Variants in CDC42BPB observed in about 807,000 individuals in gnomAD.
CDC42BPB encodes the protein serine/threonine-protein kinase MRCK beta.
Under a neutral mutation model 214.9 loss-of-function variants are expected in CDC42BPB, and 37 were observed. The ratio of observed to expected loss-of-function variants is 0.17; its 90% confidence interval spans 0.13 to 0.23. CDC42BPB has a LOEUF of 0.23. Among genes scored for constraint, CDC42BPB ranks in the 10% least tolerant of loss-of-function variants. The pLI is 1.00. For synonymous variants in CDC42BPB, 931 were observed against 884.0 expected, an observed-to-expected ratio of 1.05 and a Z score of -0.94; for missense variants, 1,694 against 2,227.0, an observed-to-expected ratio of 0.76 and a Z score of 4.82.
intron 1 of CDC42BPB, among the ~76,000 whole-genome samples, chr14:103,054,539 A>C (rs1482185867): frequency 6.6e-6 from 1 of 152,226 alleles, no homozygotes; most frequent in Non-Finnish European, 1.5e-5. Flanking sequence ...TTCCAATCGA[A>C]ACAACCAGGC....
At chr14:103,032,423 G>A (rs994691758) in intron 1 of CDC42BPB, among the ~76,000 whole-genome samples, 10 of 150,850 alleles carry the variant, frequency 6.6e-5, no homozygotes, top group African/African-American at 2.2e-4. Context: ...TGGGCCAATA[G>A]TATAGGAATG....
chr14:102,947,935 C>T (rs1892260663), intron 26 of CDC42BPB, 133 bp from the exon 27 acceptor site: 1 of 1,516,786 alleles, frequency 6.6e-7, no homozygotes, highest in Non-Finnish European at 8.8e-7. Flanking sequence ...GGTCCCTCGC[C>T]TCCCCAGATG....
chr14:103,041,420 A>G, intron 1 of CDC42BPB: 2 of 746,184 alleles, frequency 2.7e-6, no homozygotes, highest in Non-Finnish European at 4.2e-6. Flanking sequence ...AAAAAACAAC[A>G]AAAAATATTT....
chr14:103,033,956 C>T (rs975738108), intron 1 of CDC42BPB, among the ~76,000 whole-genome samples: 1 of 152,164 alleles, frequency 6.6e-6, no homozygotes, highest in African/African-American at 2.4e-5. Flanking sequence ...GGTCATAAAG[C>T]AGTTTTATGA....
At chr14:103,052,288 T>C (rs934064869) in intron 1 of CDC42BPB, among the ~76,000 whole-genome samples, 2 of 152,232 alleles carry the variant, frequency 1.3e-5, no homozygotes, top group African/African-American at 2.4e-5. Flanking sequence ...ATCCTAACAT[T>C]TCCCTATAAT....
rs1886403164 is a variant in CDC42BPB, at chr14:103,015,467, A to G, written c.176-3279T>C. On this transcript the variant is annotated intron_variant, in intron 1 of 36. Transcript: ENST00000361246. ...TCGCCACTGCACTCCAGCCTGGGCA[A>G]CAAGAGCAAAACTCCATTTCAAAAA... Among the ~76,000 whole-genome samples, 3 of 152,258 alleles carry G rather than the reference A, an allele frequency of 2.0e-5. No homozygotes were observed. The South Asian group carries it at 6.2e-4, about 32-fold the overall frequency.
At chr14:102,937,373 G>A (rs755981793) in intron 36 of CDC42BPB, among the ~76,000 whole-genome samples, 4 of 152,254 alleles carry the variant, frequency 2.6e-5, no homozygotes, top group African/African-American at 7.2e-5. Context: ...AGGAAGAGAC[G>A]CTGACCTTGG....
In CDC42BPB at chr14:102,938,398, G is replaced by T. The variant is rs781501373; in HGVS notation, c.4841C>A (p.Pro1614His). ...LMDLPLSAVP[P>H]SQEERPGPAP... is the part of the protein sequence containing the mutation. ...GGGGCCCGGCCTTTCCTCCTGGGAG[G>T]GGGGCACAGCACTCTGGGCAGAAAT... The change falls in exon 35 of 37, where the codon CCC becomes CAC. Residue 1614 changes from proline (P) to histidine (H), a missense_variant. Physicochemically the swap from Pro to His is moderately conservative, Grantham distance 77. This residue lies in a region of CDC42BPB where 146 missense variants were observed against 134.1 expected (regional missense o/e 1.09). Coordinates refer to ENST00000361246, the MANE Select transcript of CDC42BPB (RefSeq NM_006035.4). 44 of 1,550,320 alleles carry T rather than the reference G, an allele frequency of 2.8e-5. No homozygotes were observed. The highest frequency in any genetic ancestry group is 3.6e-5 in the Non-Finnish European group (42 of 1,155,022).
chr14:102,974,851 C>A (rs1178146135), intron 11 of CDC42BPB, among the ~76,000 whole-genome samples: 1 of 152,164 alleles, frequency 6.6e-6, no homozygotes, highest in Non-Finnish European at 1.5e-5. Context: ...GAGGCTGAGA[C>A]AGGAGAATGG....
At chr14:102,973,922 G>A in intron 12 of CDC42BPB, 94 bp downstream of exon 12, 3 of 1,425,834 alleles carry the variant, frequency 2.1e-6, no homozygotes, top group African/African-American at 1.4e-5. Flanking sequence ...ATGGGCAGGA[G>A]TCCCAAGAGG....
chr14:102,947,688 G>A (rs755456649), intron 27 of CDC42BPB, 33 bp downstream of exon 27: 1 of 1,532,156 alleles, frequency 6.5e-7, no homozygotes, highest in Admixed American at 1.7e-5. Flanking sequence ...TTAACCATGT[G>A]CTTTGTTAAA....
intron 5 of CDC42BPB, among the ~76,000 whole-genome samples, chr14:102,996,811 T>TAAAAA (rs1268718463): frequency 2.7e-5 from 1 of 36,846 alleles, no homozygotes; most frequent in African/African-American, 8.7e-5. Context: ...AGACTCCATC[T>TAAAAA]CAAAAAAAAA....
At chr14:103,031,985 TTATTA>T (rs1224027902) in intron 1 of CDC42BPB, among the ~76,000 whole-genome samples, 9 of 144,562 alleles carry the variant, frequency 6.2e-5, no homozygotes, top group African/African-American at 2.3e-4. Flanking sequence ...ATTATTATTA[TTATTA>T]TTTTTTTTTT....
intron 21 of CDC42BPB, among the ~76,000 whole-genome samples, chr14:102,955,465 A>C (rs902440921): frequency 1.3e-5 from 2 of 152,234 alleles, no homozygotes; most frequent in Non-Finnish European, 2.9e-5. Flanking sequence ...AATGCTTCTT[A>C]ACCTCATTTC....
chr14:102,945,874 G>A, intron 28 of CDC42BPB, 150 bp from the exon 29 acceptor site: 1 of 673,206 alleles, frequency 1.5e-6, no homozygotes, highest in South Asian at 1.7e-5. Context: ...TTCAGTATCG[G>A]GGGTGACTTT....
intron 1 of CDC42BPB, 33 bp downstream of exon 1, chr14:103,056,966 G>A (rs1889018635): frequency 2.3e-5 from 31 of 1,332,122 alleles, no homozygotes; most frequent in Middle Eastern, 4.8e-4. Context: ...GGGTCGCAGA[G>A]CCGCAGGTCC....
rs906260367 is a variant in CDC42BPB at position 103,004,632 on chromosome 14, G to T, written c.352-609C>A. On this transcript the variant is annotated intron_variant, in intron 3 of 36. Coordinates refer to ENST00000361246, the MANE Select transcript of CDC42BPB (RefSeq NM_006035.4). The surrounding 1 kb of genome is among the most constrained non-coding windows in gnomAD (Gnocchi z 5.3). ...CGTTTAAAAGTCACCAGGCCTGGCCGAGCACGGTGGCTCACACCTGAGGTC... is the reference window on the plus strand; with the variant it reads ...CGTTTAAAAGTCACCAGGCCTGGCCTAGCACGGTGGCTCACACCTGAGGTC... Among the ~76,000 whole-genome samples, 1 of 152,132 alleles carries T rather than the reference G, an allele frequency of 6.6e-6. No homozygotes were observed. Among genetic ancestry groups the T allele is most frequent in the African/African-American group, 2.4e-5 (1 of 41,414 alleles).
chr14:102,940,751 G>A (rs1332657337), intron 30 of CDC42BPB: 6 of 241,072 alleles, frequency 2.5e-5, no homozygotes, highest in Non-Finnish European at 5.0e-5. Flanking sequence ...TTTCCAGGTA[G>A]GTATTAAAAA....
chr14:103,042,415 G>A (rs535530574), intron 1 of CDC42BPB, among the ~76,000 whole-genome samples: 5 of 152,028 alleles, frequency 3.3e-5, no homozygotes, highest in Admixed American at 6.6e-5. Context: ...GGTTCACGCC[G>A]TTCTCCTGCC....
Sources: gnomAD v4.1 joint callset for allele counts (sites outside exome capture counted in the v4.1 genomes callset) on GRCh38, gnomAD v4.1.1 for gene constraint, gnomAD v4.1.1 regional missense constraint, Gnocchi (gnomAD v3.1) non-coding constraint, MANE v1.5 for transcripts, NCBI Gene and HGNC (gene_info 2026-07-23, HGNC 2026-07-21) for gene names.